The following YAP1 variants were observed in gnomAD, a reference collection of about 807,000 sequenced individuals.
YAP1 encodes Yes1 associated transcriptional regulator.
YAP1 carries 5 observed loss-of-function variants against 56.9 expected under a neutral mutation model. That is an observed-to-expected ratio of 0.09 (90% confidence interval 0.05 to 0.18). YAP1 has a LOEUF of 0.18. Among genes scored for constraint, YAP1 ranks in the 10% least tolerant of loss-of-function variants. YAP1 has a pLI of 1.00. For missense variants in YAP1, 539 were observed against 651.8 expected (o/e 0.83, Z 1.88); for synonymous variants, 265 against 248.1 (o/e 1.07, Z -0.64).
rs770327940 is a variant in YAP1 at position 102,205,999 on chromosome 11, G to A, written c.909G>A (p.Gln303=). Residue 303 remains glutamine (Q), a synonymous_variant, in exon 5 of 9, where the codon CAG becomes CAA. Coordinates refer to ENST00000282441, the MANE Select transcript of YAP1 (RefSeq NM_001130145.3). The stretch of plus-strand genomic sequence containing the variant: ...TGGGTGGCAGCAACTCCAACCAGCA[G>A]CAACAGATGCGACTGCAGCAACTGC... ...GVMGGSNSNQ[Q]QQMRLQQLQM... 2 of 1,613,916 alleles carry A rather than the reference G, an allele frequency of 1.2e-6. No homozygotes were observed. Among genetic ancestry groups the A allele is most frequent in the Non-Finnish European group, 1.7e-6 (2 of 1,179,950 alleles).
rs193113269 is a variant in YAP1 at position 102,121,067 on chromosome 11, C to T, written c.572+6673C>T. ...TTCATGTGCGGTAGTCCCTCCCCAC[C>T]ATCCATGAGTTTCCTTTCCAAAGTT... is the stretch of plus-strand genomic sequence containing the variant. On this transcript the variant is annotated intron_variant, in intron 2 of 8. Coordinates refer to ENST00000282441, the MANE Select transcript of YAP1 (RefSeq NM_001130145.3). 4.5e-4 allele frequency among the ~76,000 whole-genome samples: 68 copies of T among 151,858 alleles called. 1 individual carries two copies. Among genetic ancestry groups the T allele is most frequent in the Non-Finnish European group, 2.5e-4 (17 of 68,006 alleles).
At chr11:102,226,761 T>G (rs1028409518) in intron 7 of YAP1, among the ~76,000 whole-genome samples, 2 of 152,222 alleles carry the variant, frequency 1.3e-5, no homozygotes, top group Non-Finnish European at 2.9e-5. Flanking sequence ...TTTGCTCTTT[T>G]CTTTAACTGG....
rs1448858275 is a variant in YAP1, at chr11:102,110,857, C to T, written c.9C>T (p.Pro3=). Residue 3 remains proline, a synonymous_variant, in exon 1 of 9, where the codon CCC becomes CCT. Transcript: ENST00000282441. MD[P]GQQPPPQPAP... ...CGGGGGAGGCAGAAGCCATGGATCC[C>T]GGGCAGCAGCCGCCGCCTCAACCGG... 7.1e-6 allele frequency: 10 copies of T among 1,411,294 alleles called. No individual in the cohort carries two copies. The highest frequency in any genetic ancestry group is 9.2e-6 in the Non-Finnish European group (10 of 1,081,692). The allele number at this position is 1,411,294 out of a possible 1,614,324, so 87.4% of individuals were successfully genotyped here.
chr11:102,186,706 C>T (rs1213365498), intron 4 of YAP1: 1 of 153,620 alleles, frequency 6.5e-6, no homozygotes, highest in Non-Finnish European at 1.4e-5. Flanking sequence ...AAGCCATATT[C>T]CCCTCCAGAT....
intron 6 of YAP1, among the ~76,000 whole-genome samples, chr11:102,220,324 C>CA (rs927028268): frequency 6.6e-6 from 1 of 151,876 alleles, no homozygotes; most frequent in African/African-American, 2.4e-5. Context: ...CAAAACAAAA[C>CA]AAAAAAACCA....
At chr11:102,200,760 T>C (rs189392007) in intron 4 of YAP1, among the ~76,000 whole-genome samples, 310 of 152,220 alleles carry the variant, frequency 2.0e-3, no homozygotes, top group African/African-American at 7.0e-3. Flanking sequence ...TAAGTTCTTA[T>C]GAAAAACAAG....
In YAP1 at chr11:102,182,374, TC is replaced by T. The variant is rs576672877; in HGVS notation, c.689-3638del. The stretch of plus-strand genomic sequence containing the variant: ...TTTATTTTTGTGGTAATCCTACATT[TC>T]CCCCCTTGGACTTAACCTTCCTGCA... On this transcript the variant is annotated intron_variant, in intron 3 of 8. Coordinates refer to ENST00000282441, the MANE Select transcript of YAP1 (RefSeq NM_001130145.3). 2.5e-3 allele frequency among the ~76,000 whole-genome samples: 384 copies of T among 152,262 alleles called. 2 individuals are homozygous for T. Among genetic ancestry groups the T allele is most frequent in the South Asian group, 5.8e-3 (28 of 4,820 alleles).
intron 2 of YAP1, among the ~76,000 whole-genome samples, chr11:102,149,163 C>T (rs922860098): frequency 5.9e-5 from 9 of 152,106 alleles, no homozygotes; most frequent in African/African-American, 1.7e-4. Context: ...TGAAATTGTT[C>T]CTAAAGGCAA....
chr11:102,185,991 A>ATTTTT, intron 3 of YAP1, 27 bp from the exon 4 acceptor site: 3 of 1,357,088 alleles, frequency 2.2e-6, no homozygotes, highest in South Asian at 1.5e-5. Flanking sequence ...AAAAACCATG[A>ATTTTT]TTTTTTTTTT....
chr11:102,174,567 A>G (rs533357700), intron 3 of YAP1, among the ~76,000 whole-genome samples: 1 of 152,090 alleles, frequency 6.6e-6, no homozygotes, highest in East Asian at 1.9e-4. Context: ...CTGGTGACAG[A>G]GCGAGACTCC....
chr11:102,113,426 C>T (rs1323299418), intron 1 of YAP1, among the ~76,000 whole-genome samples: 2 of 152,110 alleles, frequency 1.3e-5, no homozygotes, highest in Non-Finnish European at 2.9e-5. Flanking sequence ...TCTTTGGGGT[C>T]TGAATGCAGA....
chr11:102,163,885 G>A (rs974839908), intron 3 of YAP1, among the ~76,000 whole-genome samples: 3 of 152,034 alleles, frequency 2.0e-5, no homozygotes, highest in Non-Finnish European at 4.4e-5. Flanking sequence ...AGTTAAGAGT[G>A]GAAAACAAAG....
Position 102,110,838 on chromosome 11 carries a change from A to G in YAP1, c.-11A>G. 3 of 1,394,096 alleles carry G rather than the reference A, an allele frequency of 2.2e-6. No homozygotes were observed. The highest frequency in any genetic ancestry group is 1.9e-6 in the Non-Finnish European group (2 of 1,073,712). The allele number at this position is 1,394,096 out of a possible 1,614,324, so 86.4% of individuals were successfully genotyped here. On this transcript the variant is annotated 5_prime_UTR_variant, in exon 1 of 9. Coordinates refer to ENST00000282441, the MANE Select transcript of YAP1 (RefSeq NM_001130145.3). ...TGGGTCAGGGGGTGCGCGTCGGGGGAGGCAGAAGCCATGGATCCCGGGCAG... is the reference window on the plus strand; with the variant it reads ...TGGGTCAGGGGGTGCGCGTCGGGGGGGGCAGAAGCCATGGATCCCGGGCAG...
chr11:102,207,566 G>C (rs886745331), intron 5 of YAP1, among the ~76,000 whole-genome samples: 3 of 151,898 alleles, frequency 2.0e-5, no homozygotes, highest in Non-Finnish European at 2.9e-5. Flanking sequence ...TACCAGGAAG[G>C]AGGCACCTAA....
intron 2 of YAP1, among the ~76,000 whole-genome samples, chr11:102,147,601 A>G (rs1229842777): frequency 6.6e-6 from 1 of 152,226 alleles, no homozygotes; most frequent in African/African-American, 2.4e-5. Flanking sequence ...TTATTGAACA[A>G]GAAGTACAGG....
At chr11:102,173,087 C>A (rs1947013950) in intron 3 of YAP1, among the ~76,000 whole-genome samples, 1 of 152,042 alleles carries the variant, frequency 6.6e-6, no homozygotes, top group Non-Finnish European at 1.5e-5. Flanking sequence ...GTTGCAGTAA[C>A]CCAGGGAGAG....
intron 3 of YAP1, among the ~76,000 whole-genome samples, chr11:102,170,966 C>A (rs1343148443): frequency 1.5e-4 from 20 of 129,260 alleles, no homozygotes; most frequent in African/African-American, 5.2e-4. Context: ...GACTCTGTCT[C>A]AAAAAAAAAA....
chr11:102,133,523 C>T (rs933536092), intron 2 of YAP1, among the ~76,000 whole-genome samples: 1 of 152,160 alleles, frequency 6.6e-6, no homozygotes, highest in Non-Finnish European at 1.5e-5. Context: ...TTTCAAACTC[C>T]AAGGCCCAAG....
chr11:102,206,380 G>A (rs1477591422), intron 5 of YAP1, among the ~76,000 whole-genome samples: 4 of 152,086 alleles, frequency 2.6e-5, no homozygotes, highest in Non-Finnish European at 5.9e-5. Flanking sequence ...ATGGAATTGT[G>A]GATTGCTGTT....
Sources: gnomAD v4.1 joint callset for allele counts (sites outside exome capture counted in the v4.1 genomes callset) on GRCh38, gnomAD v4.1.1 for gene constraint, MANE v1.5 for transcripts, NCBI Gene and HGNC (gene_info 2026-07-23, HGNC 2026-07-21) for gene names.